POLR3B: variants seen among roughly 807,000 people sequenced by gnomAD.
POLR3B encodes RNA polymerase III subunit B.
In POLR3B, 96 loss-of-function variants were observed where a neutral mutation model predicts 147.4. The ratio of observed to expected loss-of-function variants is 0.65; its 90% CI spans 0.55 to 0.77. The LOEUF is 0.77. Ranked by LOEUF, POLR3B falls within the 30% of genes least tolerant of loss-of-function variation. The probability of loss-of-function intolerance (pLI) is 0.00; values close to 1 mark genes in which losing one functional copy is unlikely to be tolerated. For synonymous variants in POLR3B, 461 were observed against 485.9 expected (o/e 0.95, Z 0.67); for missense variants, 1,036 against 1,413.5 (o/e 0.73, Z 4.28).
intron 10 of POLR3B, among the ~76,000 whole-genome samples, chr12:106,405,238 T>C (rs1197961936): frequency 1.3e-5 from 2 of 152,098 alleles, no homozygotes; most frequent in Admixed American, 6.6e-5. Flanking sequence ...AATCTAGAAT[T>C]TTAGAATTAG....
intron 10 of POLR3B, among the ~76,000 whole-genome samples, chr12:106,402,400 G>C (rs969801495): frequency 1.3e-5 from 2 of 152,160 alleles, no homozygotes; most frequent in Non-Finnish European, 2.9e-5. Flanking sequence ...GTAATTTATA[G>C]ATTCAATGCC....
At chr12:106,424,136 G>C (rs2037406655) in intron 12 of POLR3B, among the ~76,000 whole-genome samples, 1 of 151,968 alleles carries the variant, frequency 6.6e-6, no homozygotes, top group Non-Finnish European at 1.5e-5. Context: ...TTACAGGCGT[G>C]AGCCACCGAG....
At chr12:106,418,756 G>T (rs2037337766) in intron 12 of POLR3B, among the ~76,000 whole-genome samples, 1 of 152,182 alleles carries the variant, frequency 6.6e-6, no homozygotes, top group East Asian at 1.9e-4. Context: ...TTTTACTTTT[G>T]ACCTAAATAA....
chr12:106,409,878 A>T (rs1170041249), intron 11 of POLR3B, among the ~76,000 whole-genome samples: 1 of 152,190 alleles, frequency 6.6e-6, no homozygotes, highest in Non-Finnish European at 1.5e-5. Context: ...GTCTTTTTAG[A>T]TGTAGGATCT....
chr12:106,376,507 C>A, intron 7 of POLR3B, 57 bp downstream of exon 7: 1 of 1,214,988 alleles, frequency 8.2e-7, no homozygotes, highest in Non-Finnish European at 1.2e-6. Flanking sequence ...TCTGCTGCTG[C>A]TGTGGTTTTA....
At chr12:106,447,397 G>C (rs1434481833) in intron 19 of POLR3B, among the ~76,000 whole-genome samples, 4 of 152,098 alleles carry the variant, frequency 2.6e-5, no homozygotes, top group Admixed American at 2.0e-4. Context: ...ACCAGCAGAG[G>C]GTGTTTTTTA....
chr12:106,498,844 C>G (rs2038546156), intron 25 of POLR3B, among the ~76,000 whole-genome samples: 1 of 152,186 alleles, frequency 6.6e-6, no homozygotes, highest in African/African-American at 2.4e-5. Flanking sequence ...CCTCGGCCTC[C>G]CAAAGTGCTG....
chr12:106,471,249 T>C (rs2038086819), intron 23 of POLR3B, among the ~76,000 whole-genome samples: 1 of 152,212 alleles, frequency 6.6e-6, no homozygotes, highest in South Asian at 2.1e-4. Context: ...CAAGGCTCCG[T>C]GGGCATGAGA....
chr12:106,404,093 G>GTTT (rs372930203), intron 10 of POLR3B, among the ~76,000 whole-genome samples: 2 of 136,014 alleles, frequency 1.5e-5, no homozygotes, highest in Non-Finnish European at 3.2e-5. Flanking sequence ...GTTGTTTTTT[G>GTTT]TTTTTTTTTT....
chr12:106,369,723 T>TCACATCATGGGGCTGGAA, intron 6 of POLR3B, 40 bp downstream of exon 6: 2 of 1,248,050 alleles, frequency 1.6e-6, no homozygotes, highest in Non-Finnish European at 2.4e-6. Flanking sequence ...ACTGCCTGGA[T>TCACATCATGGGGCTGGAA]TCCAGCCCCA....
chr12:106,412,202 G>A (rs2037236841), intron 12 of POLR3B, among the ~76,000 whole-genome samples: 1 of 152,102 alleles, frequency 6.6e-6, no homozygotes, highest in South Asian at 2.1e-4. Context: ...CCTCTAAAGA[G>A]TGTCCCAGTT....
At chr12:106,371,401 A>G (rs2036604521) in intron 6 of POLR3B, among the ~76,000 whole-genome samples, 1 of 152,126 alleles carries the variant, frequency 6.6e-6, no homozygotes, top group South Asian at 2.1e-4. Flanking sequence ...GGGATCTAGA[A>G]CTAGAAATAC....
intron 10 of POLR3B, among the ~76,000 whole-genome samples, chr12:106,404,282 G>A (rs560663729): frequency 5.9e-5 from 9 of 152,044 alleles, no homozygotes; most frequent in African/African-American, 1.4e-4. Flanking sequence ...TAGTAGAGAC[G>A]GAGTTTCGCC....
intron 12 of POLR3B, among the ~76,000 whole-genome samples, chr12:106,422,645 T>C (rs1202159082): frequency 6.6e-6 from 1 of 152,258 alleles, no homozygotes; most frequent in Non-Finnish European, 1.5e-5. Flanking sequence ...ATTTCCTCGC[T>C]GATCCAAAAT....
chr12:106,425,046 TATC>T (rs2136996172), intron 12 of POLR3B, among the ~76,000 whole-genome samples: 1 of 152,344 alleles, frequency 6.6e-6, no homozygotes, highest in Admixed American at 6.5e-5. Flanking sequence ...ATGAACATAT[TATC>T]TGCAAGTAAA....
intron 9 of POLR3B, among the ~76,000 whole-genome samples, chr12:106,383,428 C>G (rs2036792102): frequency 6.6e-6 from 1 of 151,988 alleles, no homozygotes; most frequent in Non-Finnish European, 1.5e-5. Flanking sequence ...TTAATCATTT[C>G]TAGCTTTTGA....
chr12:106,364,572 C>G (rs1445794653), intron 2 of POLR3B, among the ~76,000 whole-genome samples: 1 of 152,148 alleles, frequency 6.6e-6, no homozygotes, highest in Non-Finnish European at 1.5e-5. Context: ...CAAAAAGTTA[C>G]CACATCCTCC....
intron 9 of POLR3B, 119 bp from the exon 10 acceptor site, chr12:106,392,910 TGA>T: frequency 7.9e-7 from 1 of 1,271,822 alleles, no homozygotes; most frequent in South Asian, 1.4e-5. Context: ...GCACCATTTC[TGA>T]GAGAAGAGCT....
At chr12:106,441,614 T>C (rs1040343792) in intron 18 of POLR3B, among the ~76,000 whole-genome samples, 2 of 152,204 alleles carry the variant, frequency 1.3e-5, no homozygotes, top group African/African-American at 4.8e-5. Flanking sequence ...TGTATACATA[T>C]ATATATTTTT....
Sources: gnomAD v4.1 joint callset for allele counts (sites outside exome capture counted in the v4.1 genomes callset) on GRCh38, gnomAD v4.1.1 for gene constraint, MANE v1.5 for transcripts, NCBI Gene and HGNC (gene_info 2026-07-23, HGNC 2026-07-21) for gene names.